The following COX4I2 variants were observed in gnomAD, a reference collection of about 807,000 sequenced individuals.
COX4I2 encodes the protein cytochrome c oxidase subunit 4 isoform 2, mitochondrial.
COX4I2 carries 15 observed loss-of-function variants against 20.8 expected under a neutral mutation model. That is an observed-to-expected ratio of 0.72 (90% confidence interval 0.48 to 1.11). The LOEUF (loss-of-function observed/expected upper bound fraction) is 1.11, where lower values mean the gene tolerates loss of function less well. Ranked by LOEUF, COX4I2 falls within the 50% of genes most tolerant of loss-of-function variation. The probability of loss-of-function intolerance (pLI) is 0.00; values close to 1 mark genes in which losing one functional copy is unlikely to be tolerated. For synonymous variants in COX4I2, 80 were observed against 78.1 expected (o/e 1.02, Z -0.13); for missense variants, 224 against 223.0 (o/e 1.00, Z -0.03).
chr20:31,640,569 G>C (rs2060462212), intron 3 of COX4I2, among the ~76,000 whole-genome samples: 1 of 152,074 alleles, frequency 6.6e-6, no homozygotes, highest in Admixed American at 6.6e-5. Context: ...CCCTGGAATT[G>C]AGTGATGTGG....
At chr20:31,640,831 C>T (rs955604437) in intron 3 of COX4I2, among the ~76,000 whole-genome samples, 1 of 152,070 alleles carries the variant, frequency 6.6e-6, no homozygotes, top group Non-Finnish European at 1.5e-5. Context: ...TCTTATTTGG[C>T]ACCTACTACA....
In COX4I2 at chr20:31,642,431, A is replaced by ATTT. The variant is rs57483570; in HGVS notation, c.248-949_248-947dup. On this transcript the variant is annotated intron_variant, in intron 3 of 4. Coordinates refer to ENST00000376075, the MANE Select transcript of COX4I2 (RefSeq NM_032609.3). The stretch of plus-strand genomic sequence containing the variant: ...GAGAAAGGATTACACACGTAGGGTA[A>ATTT]TTTTTTTTTTTTTTTTTTTTTTTTT... 6.1e-4 allele frequency among the ~76,000 whole-genome samples: 54 copies of ATTT among 88,856 alleles called. 1 individual carries two copies. Among genetic ancestry groups the ATTT allele is most frequent in the Non-Finnish European group, 7.9e-4 (37 of 46,846 alleles). The allele number at this position is 88,856 out of a possible 152,430, so 58.3% of individuals were successfully genotyped here.
chr20:31,642,506 C>A (rs1344124500), intron 3 of COX4I2, among the ~76,000 whole-genome samples: 2 of 121,804 alleles, frequency 1.6e-5, no homozygotes, highest in African/African-American at 3.2e-5. Context: ...GTGGCATGAT[C>A]TCGGCTCACT....
rs762669070 is a variant in COX4I2 at position 31,639,092 on chromosome 20, A to G, written c.75A>G (p.Glu25=). The change falls in exon 2 of 5, where the codon GAA becomes GAG. Residue 25 remains glutamate (E), a synonymous_variant. Coordinates refer to ENST00000376075, the MANE Select transcript of COX4I2 (RefSeq NM_032609.3). The part of the protein sequence containing the change: ...GGGRRGMHSS[E]GTTRGGGKMS... Reference sequence around the variant, plus strand: ...GAAGACGAGGGATGCACAGCTCAGAAGGCACCAGTGAGACCTGGACTCCTT... The same window carrying G: ...GAAGACGAGGGATGCACAGCTCAGAGGGCACCAGTGAGACCTGGACTCCTT... 80 of 1,610,466 alleles carry G rather than the reference A, an allele frequency of 5.0e-5. No individual in the cohort carries two copies. Among genetic ancestry groups the G allele is most frequent in the Non-Finnish European group, 6.6e-5 (78 of 1,178,620 alleles).
At chr20:31,642,164 G>A (rs2122331670) in intron 3 of COX4I2, among the ~76,000 whole-genome samples, 1 of 152,076 alleles carries the variant, frequency 6.6e-6, no homozygotes, top group South Asian at 2.1e-4. Context: ...AATGCCTTGA[G>A]TCTTGTCAGA....
chr20:31,643,493 A>G lies in COX4I2; in HGVS notation c.337A>G (p.Ile113Val), dbSNP rs558760323. The G allele has an allele frequency of 3.1e-6, 5 of 1,614,088 alleles. No individual in the cohort carries two copies. The highest frequency in any genetic ancestry group is 3.3e-5 in the Admixed American group (2 of 59,996). Residue 113 changes from isoleucine to valine, a missense_variant, in exon 4 of 5, where the codon ATT becomes GTT. Coordinates refer to ENST00000376075, the MANE Select transcript of COX4I2 (RefSeq NM_032609.3). Reference protein sequence around the residue: ...KTVMGCVFFFIGFAALVIWWQ... With the variant: ...KTVMGCVFFFVGFAALVIWWQ... ...AGTGATGGGTTGTGTCTTCTTCTTC[A>G]TTGGATTCGCAGCTCTGGTGATTTG...
intron 4 of COX4I2, among the ~76,000 whole-genome samples, chr20:31,643,794 G>A (rs1213548210): frequency 6.6e-6 from 1 of 152,204 alleles, no homozygotes; most frequent in Non-Finnish European, 1.5e-5. Context: ...TTTAATGAGA[G>A]AGGGCTGTAG....
chr20:31,643,380 T>A, intron 3 of COX4I2, 24 bp from the exon 4 acceptor site: 1 of 1,613,708 alleles, frequency 6.2e-7, no homozygotes, highest in Non-Finnish European at 8.5e-7. Context: ...CTGAGGCCCC[T>A]TCCCCACACC....
intron 4 of COX4I2, among the ~76,000 whole-genome samples, chr20:31,643,865 T>A (rs2060481865): frequency 6.6e-6 from 1 of 152,344 alleles, no homozygotes; most frequent in East Asian, 1.9e-4. Flanking sequence ...ATGAACTGTG[T>A]GTTTTTCAGT....
intron 3 of COX4I2, among the ~76,000 whole-genome samples, chr20:31,642,212 G>A (rs1057260432): frequency 6.6e-6 from 1 of 152,064 alleles, no homozygotes; most frequent in Admixed American, 6.6e-5. Context: ...GCACTGGAGT[G>A]CATGGCCTGT....
At chr20:31,641,834 G>A (rs2060469793) in intron 3 of COX4I2, among the ~76,000 whole-genome samples, 1 of 151,670 alleles carries the variant, frequency 6.6e-6, no homozygotes, top group African/African-American at 2.4e-5. Flanking sequence ...CTGAGTAGCT[G>A]GGACTACAGG....
At position 31,639,056 on chromosome 20, in the gene COX4I2, A is replaced by G; in HGVS notation, c.39A>G (p.Lys13=). ...CTGCCTGGAGCTTGGTGCTGAGGAA[A>G]GGTGGAGGTGGAAGACGAGGGATGC... The part of the protein sequence containing the change: ...PRAAWSLVLR[K]GGGGRRGMHS... Residue 13 remains lysine (K), a synonymous_variant, in exon 2 of 5, where the codon AAA becomes AAG. Transcript: ENST00000376075. The G allele has an allele frequency of 6.2e-7, 1 of 1,612,728 alleles. No individual in the cohort carries two copies. The highest frequency in any genetic ancestry group is 2.2e-5 in the East Asian group (1 of 44,850).
At chr20:31,639,895 G>A in intron 2 of COX4I2, 38 bp from the exon 3 acceptor site, 6 of 1,612,904 alleles carry the variant, frequency 3.7e-6, no homozygotes, top group Non-Finnish European at 5.1e-6. Context: ...GGTGTCCCAA[G>A]GGCAGCCTGG....
At chr20:31,639,289 A>G (rs2060453140) in intron 2 of COX4I2, 190 bp downstream of exon 2, 1 of 985,174 alleles carries the variant, frequency 1.0e-6, no homozygotes, top group Non-Finnish European at 1.2e-6. Flanking sequence ...GGGTGAGCAG[A>G]CAGTGGTCAT....
chr20:31,643,389 C>G lies in COX4I2; in HGVS notation c.248-15C>G, dbSNP rs772960243. On this transcript the variant is annotated splice_polypyrimidine_tract_variant and intron_variant, in intron 3 of 4. Transcript: ENST00000376075. ...ACGCACCTGAGGCCCCTTCCCCACACCCAACTGCCTCCAGTGTACCGGCTC... is the reference window on the plus strand; with the variant it reads ...ACGCACCTGAGGCCCCTTCCCCACAGCCAACTGCCTCCAGTGTACCGGCTC... 1 of 1,613,964 alleles carries G rather than the reference C, an allele frequency of 6.2e-7. No homozygotes were observed. Among genetic ancestry groups the G allele is most frequent in the Non-Finnish European group, 8.5e-7 (1 of 1,180,016 alleles).
rs959948394 is a variant in COX4I2, at chr20:31,644,847, T to A, written c.459T>A (p.Asn153Lys). 1.2e-6 allele frequency: 2 copies of A among 1,613,884 alleles called. No individual in the cohort carries two copies. The highest frequency in any genetic ancestry group is 1.3e-5 in the African/African-American group (1 of 74,878). ...QLQRMLDMKVNPVQGLASRWD... is the reference protein window; with the variant it reads ...QLQRMLDMKVKPVQGLASRWD... ...AGCGCATGCTGGACATGAAGGTGAA[T>A]CCTGTGCAGGGCCTGGCCTCCCGCT... Residue 153 changes from asparagine to lysine, a missense_variant, in exon 5 of 5, where the codon AAT becomes AAA. Physicochemically the swap from Asn to Lys is moderately conservative, Grantham distance 94. Coordinates refer to ENST00000376075, the MANE Select transcript of COX4I2 (RefSeq NM_032609.3).
chr20:31,640,729 T>C (rs1311689515), intron 3 of COX4I2, among the ~76,000 whole-genome samples: 1 of 152,120 alleles, frequency 6.6e-6, no homozygotes, highest in East Asian at 1.9e-4. Context: ...TTTCATTCCA[T>C]GAATGGGAAC....
chr20:31,643,632 C>G, intron 4 of COX4I2, 97 bp downstream of exon 4: 1 of 1,446,344 alleles, frequency 6.9e-7, no homozygotes, highest in South Asian at 1.2e-5. Flanking sequence ...TGGCACTCAT[C>G]TGAAGAGCTG....
chr20:31,644,730 C>T, intron 4 of COX4I2, 38 bp from the exon 5 acceptor site: 1 of 1,613,350 alleles, frequency 6.2e-7, no homozygotes, highest in Non-Finnish European at 8.5e-7. Context: ...TGTAGGAAGA[C>T]TGGCAGGATC....
Sources: allele counts gnomAD v4.1 joint callset (sites outside exome capture counted in the v4.1 genomes callset), GRCh38; gene constraint gnomAD v4.1.1; transcripts MANE v1.5; gene names NCBI Gene and HGNC (gene_info 2026-07-23, HGNC 2026-07-21).